Variants in TMEM72 observed in about 807,000 individuals in gnomAD.
The protein encoded by TMEM72 is transmembrane protein 72, also known as kidney-specific secretory protein of 37 kDa.
A neutral mutation model predicts 16.3 loss-of-function variants in TMEM72; 9 were observed. The observed-to-expected ratio is 0.55, with a 90% CI of 0.33 to 0.96. TMEM72 has a LOEUF of 0.96. TMEM72 is among the 40% of genes least tolerant of loss of function. The pLI, the probability that TMEM72 is intolerant of heterozygous loss-of-function variation, is 0.03. For missense variants in TMEM72, 324 were observed against 337.8 expected (o/e 0.96, Z 0.32); for synonymous variants, 160 against 146.5 (o/e 1.09, Z -0.66).
At chr10:44,911,706 T>C (rs1299830827) in intron 1 of TMEM72, 124 bp downstream of exon 1, 5 of 1,102,726 alleles carry the variant, frequency 4.5e-6, no homozygotes, top group East Asian at 5.2e-5. Flanking sequence ...TCAATTTTTT[T>C]CCCAAGACCC....
chr10:44,916,030 T>C (rs572827671), intron 1 of TMEM72, among the ~76,000 whole-genome samples: 2 of 152,248 alleles, frequency 1.3e-5, no homozygotes, highest in Admixed American at 1.3e-4. Context: ...CTCAGTCCTA[T>C]TTTACAAATG....
chr10:44,913,178 G>A (rs1839961907), intron 1 of TMEM72, among the ~76,000 whole-genome samples: 1 of 152,114 alleles, frequency 6.6e-6, no homozygotes. Flanking sequence ...AAGCCATCCT[G>A]GGGAGAGGAA....
chr10:44,913,377 G>T (rs115196790), intron 1 of TMEM72, among the ~76,000 whole-genome samples: 2,584 of 152,206 alleles, frequency 0.017, 77 homozygotes, highest in African/African-American at 0.057. Context: ...TAATGGATTA[G>T]CTAGAGACAG....
chr10:44,911,797 T>C (rs1839942013), intron 1 of TMEM72, among the ~76,000 whole-genome samples: 1 of 152,150 alleles, frequency 6.6e-6, no homozygotes, highest in Non-Finnish European at 1.5e-5. Context: ...GGGTGCTGGA[T>C]CTTTGCTTGG....
chr10:44,920,316 G>C (rs375083189), intron 1 of TMEM72: 2 of 152,354 alleles, frequency 1.3e-5, no homozygotes, highest in African/African-American at 4.8e-5. Context: ...GAGTCAGAAC[G>C]GATAAGCAAC....
chr10:44,930,873 A>G (rs1840284843), intron 2 of TMEM72, among the ~76,000 whole-genome samples: 1 of 152,194 alleles, frequency 6.6e-6, no homozygotes, highest in South Asian at 2.1e-4. Flanking sequence ...GAAAGGTCAC[A>G]CCTCTCACCT....
intron 1 of TMEM72, among the ~76,000 whole-genome samples, chr10:44,927,526 G>T (rs1426282064): frequency 6.6e-6 from 1 of 152,228 alleles, no homozygotes; most frequent in African/African-American, 2.4e-5. Flanking sequence ...CAAGAGAACA[G>T]GGCTGGGGCA....
At chr10:44,931,370 C>T (rs1053113057) in intron 2 of TMEM72, among the ~76,000 whole-genome samples, 1 of 152,178 alleles carries the variant, frequency 6.6e-6, no homozygotes, top group African/African-American at 2.4e-5. Context: ...ACACTGGGAG[C>T]ACAAGGAGCC....
intron 1 of TMEM72, among the ~76,000 whole-genome samples, chr10:44,918,602 T>C (rs1435953404): frequency 2.0e-5 from 3 of 152,122 alleles, no homozygotes; most frequent in Non-Finnish European, 4.4e-5. Context: ...ACAAATATAT[T>C]GAAAGAATGA....
intron 1 of TMEM72, among the ~76,000 whole-genome samples, chr10:44,916,342 A>G (rs1840014238): frequency 6.6e-6 from 1 of 152,152 alleles, no homozygotes; most frequent in Non-Finnish European, 1.5e-5. Context: ...TCTCTATATA[A>G]TGGACACAGC....
At chr10:44,919,392 T>C (rs1008432715) in intron 1 of TMEM72, among the ~76,000 whole-genome samples, 3 of 152,188 alleles carry the variant, frequency 2.0e-5, no homozygotes, top group Admixed American at 1.3e-4. Flanking sequence ...GAAAATCTAA[T>C]AGAATCTACC....
intron 1 of TMEM72, among the ~76,000 whole-genome samples, chr10:44,914,178 C>A (rs1839980200): frequency 6.6e-6 from 1 of 152,212 alleles, no homozygotes; most frequent in African/African-American, 2.4e-5. Context: ...TCCCGCAGAC[C>A]ATTCTTGCCC....
At chr10:44,926,242 T>G (rs760034439) in intron 1 of TMEM72, among the ~76,000 whole-genome samples, 1 of 151,972 alleles carries the variant, frequency 6.6e-6, no homozygotes, top group African/African-American at 2.4e-5. Flanking sequence ...CACACACACG[T>G]GTCCACACAT....
At chr10:44,915,523 G>A (rs4543933) in intron 1 of TMEM72, among the ~76,000 whole-genome samples, 86,399 of 151,736 alleles carry the variant, frequency 0.57, 25,130 homozygotes, top group Middle Eastern at 0.64. Context: ...ACTCCTAATC[G>A]TTATTTCCTC....
chr10:44,929,969 C>T (rs1397501713), intron 2 of TMEM72, among the ~76,000 whole-genome samples: 1 of 152,262 alleles, frequency 6.6e-6, no homozygotes, highest in Admixed American at 6.5e-5. Context: ...TCCCTAGCCG[C>T]TGTGCACCAT....
intron 1 of TMEM72, among the ~76,000 whole-genome samples, chr10:44,912,586 C>T (rs1348803311): frequency 2.0e-5 from 3 of 152,206 alleles, no homozygotes; most frequent in Non-Finnish European, 2.9e-5. Flanking sequence ...GATATATGAC[C>T]TTGGGGAGCC....
At chr10:44,924,322 C>T (rs1380757976) in intron 1 of TMEM72, among the ~76,000 whole-genome samples, 1 of 152,216 alleles carries the variant, frequency 6.6e-6, no homozygotes, top group Non-Finnish European at 1.5e-5. Context: ...GATAGTCCCA[C>T]GAGTGGCCCC....
chr10:44,921,098 C>A (rs369785382), intron 1 of TMEM72, among the ~76,000 whole-genome samples: 34 of 152,324 alleles, frequency 2.2e-4, no homozygotes, highest in African/African-American at 7.7e-4. Flanking sequence ...GAAGAAAGTT[C>A]TTGTACCAAG....
chr10:44,913,562 C>G (rs1439093900), intron 1 of TMEM72, among the ~76,000 whole-genome samples: 1 of 152,162 alleles, frequency 6.6e-6, no homozygotes, highest in Non-Finnish European at 1.5e-5. Context: ...GAGAATGGGC[C>G]TCCCTCTTGG....
Sources: allele counts gnomAD v4.1 joint callset (sites outside exome capture counted in the v4.1 genomes callset), GRCh38; gene constraint gnomAD v4.1.1; transcripts MANE v1.5; gene names NCBI Gene and HGNC (gene_info 2026-07-23, HGNC 2026-07-21).